Variants in BBOX1 observed in about 807,000 individuals in gnomAD.
BBOX1 encodes the protein gamma-butyrobetaine dioxygenase.
BBOX1 carries 35 observed loss-of-function variants against 41.6 expected under a neutral mutation model. The observed-to-expected ratio is 0.84, with a 90% CI of 0.64 to 1.11. The LOEUF is 1.11. BBOX1 is among the 50% of genes most tolerant of loss of function. The pLI, the probability that BBOX1 is intolerant of heterozygous loss-of-function variation, is 0.00. For missense variants in BBOX1, 458 were observed against 460.6 expected, an observed-to-expected ratio of 0.99 and a Z score of 0.05; for synonymous variants, 163 against 154.7, an observed-to-expected ratio of 1.05 and a Z score of -0.40.
chr11:27,054,524 G>A (rs904540544), intron 2 of BBOX1, among the ~76,000 whole-genome samples: 9 of 152,102 alleles, frequency 5.9e-5, no homozygotes, highest in Admixed American at 2.0e-4. Context: ...GATCAACACC[G>A]TTGCTCAAGC....
chr11:27,062,804 G>A (rs921087324), intron 4 of BBOX1, among the ~76,000 whole-genome samples: 3 of 152,158 alleles, frequency 2.0e-5, no homozygotes, highest in South Asian at 4.2e-4. Flanking sequence ...CTCATGATCC[G>A]CCCACCTTGG....
chr11:27,048,674 C>A (rs1011842423), intron 2 of BBOX1, among the ~76,000 whole-genome samples: 1 of 150,648 alleles, frequency 6.6e-6, no homozygotes, highest in Non-Finnish European at 1.5e-5. Context: ...CATGAGAATG[C>A]AAATATCTCA....
At chr11:27,075,679 A>G (rs1857608106) in intron 4 of BBOX1, among the ~76,000 whole-genome samples, 1 of 152,182 alleles carries the variant, frequency 6.6e-6, no homozygotes, top group Non-Finnish European at 1.5e-5. Flanking sequence ...AATTCCAAGT[A>G]GAGTTGAATA....
rs556013745 is a variant in BBOX1 at position 27,115,050 on chromosome 11, G to A, written c.534-402G>A. 1.6e-4 allele frequency among the ~76,000 whole-genome samples: 24 copies of A among 151,908 alleles called. No individual in the cohort carries two copies. In the South Asian group the frequency reaches 4.6e-3, roughly 29 times the overall value. On this transcript the variant is annotated intron_variant, in intron 5 of 8. Transcript: ENST00000263182. ...ACGTTTTGAAACTAGCTATGTAGAG[G>A]TGGTGGTTGCCAACAGTGCGAATTT...
rs1388285047 is a variant in BBOX1 at position 27,075,822 on chromosome 11, G to A, written c.335-17346G>A. ...GGCTGCCTATAGGTGCACTCATGCT[G>A]AACTCCTATGGGAGAAGCCCTAGCT... On this transcript the variant is annotated intron_variant, in intron 4 of 8. Transcript: ENST00000263182. 2.0e-5 allele frequency among the ~76,000 whole-genome samples: 3 copies of A among 152,174 alleles called. No individual in the cohort carries two copies. The East Asian group carries it at 5.8e-4, about 29-fold the overall frequency.
chr11:27,091,714 G>C (rs1364798504), intron 4 of BBOX1, among the ~76,000 whole-genome samples: 1 of 151,954 alleles, frequency 6.6e-6, no homozygotes, highest in Non-Finnish European at 1.5e-5. Context: ...GTTAAAATTA[G>C]GGATTCAGAA....
At chr11:27,042,601 G>A (rs1002605027) in intron 2 of BBOX1, among the ~76,000 whole-genome samples, 2 of 152,068 alleles carry the variant, frequency 1.3e-5, no homozygotes, top group East Asian at 1.9e-4. Flanking sequence ...CTTCTGCTCC[G>A]GCCTCCCAAA....
intron 4 of BBOX1, among the ~76,000 whole-genome samples, chr11:27,091,779 C>T (rs1247306774): frequency 6.6e-6 from 1 of 151,814 alleles, no homozygotes; most frequent in South Asian, 2.1e-4. Context: ...GTCACCGAGG[C>T]CTGTGGAATG....
At chr11:27,063,449 T>A (rs1401365438) in intron 4 of BBOX1, among the ~76,000 whole-genome samples, 1 of 152,198 alleles carries the variant, frequency 6.6e-6, no homozygotes, top group Non-Finnish European at 1.5e-5. Flanking sequence ...TTGTTCTTTT[T>A]ATTAATCCTC....
At chr11:27,103,135 A>G (rs1264983768) in intron 5 of BBOX1, among the ~76,000 whole-genome samples, 1 of 152,138 alleles carries the variant, frequency 6.6e-6, no homozygotes, top group Non-Finnish European at 1.5e-5. Flanking sequence ...GGTTGCAGTG[A>G]TCATGCCACT....
chr11:27,066,306 T>C (rs1049283736), intron 4 of BBOX1, among the ~76,000 whole-genome samples: 20 of 152,310 alleles, frequency 1.3e-4, no homozygotes, highest in East Asian at 3.9e-4. Flanking sequence ...TTAGAACTTA[T>C]ACATTTAGAA....
chr11:27,119,853 C>A lies in BBOX1; in HGVS notation c.836+8C>A. 1 of 1,358,662 alleles carries A rather than the reference C, an allele frequency of 7.4e-7. No individual in the cohort carries two copies. The highest frequency in any genetic ancestry group is 9.7e-7 in the Non-Finnish European group (1 of 1,032,998). 84.2% of individuals were successfully genotyped at this position (1,358,662 alleles called of 1,614,324 possible). On this transcript the variant is annotated splice_region_variant and intron_variant, in intron 7 of 8. Coordinates refer to ENST00000263182, the MANE Select transcript of BBOX1 (RefSeq NM_003986.3). ...AAAACATAAAATTATAGAGTAAGTA[C>A]TATTTATAAATTTCCCATAGCAATA... is the stretch of plus-strand genomic sequence containing the variant.
At chr11:27,061,934 G>T (rs1857144969) in intron 4 of BBOX1, among the ~76,000 whole-genome samples, 1 of 152,138 alleles carries the variant, frequency 6.6e-6, no homozygotes. Context: ...TCTCCTTGAG[G>T]ACTTATCAAG....
At chr11:27,101,688 C>CT (rs913953575) in intron 5 of BBOX1, among the ~76,000 whole-genome samples, 2 of 151,862 alleles carry the variant, frequency 1.3e-5, no homozygotes, top group Non-Finnish European at 2.9e-5. Flanking sequence ...ACAAAGATTT[C>CT]TTTTTTTATT....
chr11:27,042,828 A>T (rs1851376942), intron 2 of BBOX1, among the ~76,000 whole-genome samples: 1 of 152,182 alleles, frequency 6.6e-6, no homozygotes, highest in African/African-American at 2.4e-5. Context: ...TACTCAAATG[A>T]TGTCAAACTG....
chr11:27,057,144 A>T (rs1857010361), intron 3 of BBOX1, 57 bp from the exon 4 acceptor site: 1 of 1,147,014 alleles, frequency 8.7e-7, no homozygotes, highest in Non-Finnish European at 1.2e-6. Flanking sequence ...AAACAGAGCA[A>T]TAGTGGAGAA....
chr11:27,062,830 G>A (rs1355002783), intron 4 of BBOX1, among the ~76,000 whole-genome samples: 1 of 152,112 alleles, frequency 6.6e-6, no homozygotes, highest in African/African-American at 2.4e-5. Flanking sequence ...CAAAGTGCTG[G>A]GATTGCAGGC....
chr11:27,075,548 G>A (rs1857605432), intron 4 of BBOX1, among the ~76,000 whole-genome samples: 1 of 152,048 alleles, frequency 6.6e-6, no homozygotes, highest in Non-Finnish European at 1.5e-5. Context: ...CTTACCAGGG[G>A]GAAGGATGGC....
intron 6 of BBOX1, 80 bp downstream of exon 6, chr11:27,115,637 C>T: frequency 1.6e-6 from 2 of 1,218,014 alleles, no homozygotes; most frequent in Non-Finnish European, 2.3e-6. Context: ...GAAGATTACA[C>T]ATTTCACCAG....
Sources: allele counts gnomAD v4.1 joint callset (sites outside exome capture counted in the v4.1 genomes callset), GRCh38; gene constraint gnomAD v4.1.1; transcripts MANE v1.5; gene names NCBI Gene and HGNC (gene_info 2026-07-23, HGNC 2026-07-21).